AFAP1L2: variants seen among roughly 807,000 people sequenced by gnomAD.
AFAP1L2 encodes actin filament-associated protein 1-like 2.
In AFAP1L2, 46 loss-of-function variants were observed where a neutral mutation model predicts 99.3. That is an observed-to-expected ratio of 0.46 (90% CI 0.37 to 0.59). The LOEUF is 0.59. Among genes scored for constraint, AFAP1L2 ranks in the 20% least tolerant of loss-of-function variants. AFAP1L2 has a pLI of 0.00. For synonymous variants in AFAP1L2, 397 were observed against 419.1 expected, an observed-to-expected ratio of 0.95 and a Z score of 0.64; for missense variants, 959 against 1,034.9, an observed-to-expected ratio of 0.93 and a Z score of 1.01.
At chr10:114,306,315 C>CCAGGAGGGGCCGCGGGGG (rs2042385691) in intron 10 of AFAP1L2, among the ~76,000 whole-genome samples, 1 of 8,366 alleles carries the variant, frequency 1.2e-4, no homozygotes. Context: ...GGACGCAGAT[C>CCAGGAGGGGCCGCGGGGG]CAGGAGGGGA....
Position 114,295,304 on chromosome 10 carries a change from A to G in AFAP1L2, c.*738T>C. On this transcript the variant is annotated 3_prime_UTR_variant, in exon 19 of 19. Transcript: ENST00000304129. ...GATACTTTTCACTGTTCTAAATGACAGGATTTTAAGCATTTTTTCCTATAT... is the reference window on the plus strand; with the variant it reads ...GATACTTTTCACTGTTCTAAATGACGGGATTTTAAGCATTTTTTCCTATAT... 2 of 985,142 alleles carry G rather than the reference A, an allele frequency of 2.0e-6. No homozygotes were observed. The highest frequency in any genetic ancestry group is 2.4e-6 in the Non-Finnish European group (2 of 829,228). 61.0% of individuals were successfully genotyped at this position (985,142 alleles called of 1,614,324 possible).
intron 1 of AFAP1L2, among the ~76,000 whole-genome samples, chr10:114,395,625 C>T (rs1424463856): frequency 6.6e-6 from 1 of 151,944 alleles, no homozygotes. Context: ...GAGAAAAAAA[C>T]GGGGGGTGGA....
intron 1 of AFAP1L2, among the ~76,000 whole-genome samples, chr10:114,359,442 A>C (rs2051894238): frequency 1.3e-5 from 2 of 152,326 alleles, no homozygotes; most frequent in South Asian, 4.1e-4. Context: ...GAAATGAAAG[A>C]TGGTGCGAAG....
intron 1 of AFAP1L2, among the ~76,000 whole-genome samples, chr10:114,358,012 C>T (rs2051649707): frequency 6.6e-6 from 1 of 152,194 alleles, no homozygotes; most frequent in African/African-American, 2.4e-5. Flanking sequence ...AGTTCAGCCT[C>T]CCCAGAACAA....
chr10:114,318,738 C>CAAAAAAAAA (rs1248430373), intron 5 of AFAP1L2, among the ~76,000 whole-genome samples: 1 of 16,496 alleles, frequency 6.1e-5, no homozygotes. Context: ...GAGACTCTGT[C>CAAAAAAAAA]TAAAAAAAAG....
In AFAP1L2 at chr10:114,374,140, G is replaced by A. The variant is rs12250442; in HGVS notation, c.16+30300C>T. Among the ~76,000 whole-genome samples, 1,112 of 152,178 alleles carry A rather than the reference G, an allele frequency of 7.3e-3. 13 individuals carry two copies. The highest frequency in any genetic ancestry group is 0.024 in the African/African-American group (995 of 41,512). Reference sequence around the variant, plus strand: ...CTCCTCTGTTGCTTCAGCATTCCGGGCTTGGGAGGATGTTTTGTCGGTTAT... The same window carrying A: ...CTCCTCTGTTGCTTCAGCATTCCGGACTTGGGAGGATGTTTTGTCGGTTAT... On this transcript the variant is annotated intron_variant, in intron 1 of 18. Coordinates refer to ENST00000304129, the MANE Select transcript of AFAP1L2 (RefSeq NM_001001936.3).
intron 1 of AFAP1L2, among the ~76,000 whole-genome samples, chr10:114,360,891 C>A (rs1402672065): frequency 6.6e-6 from 1 of 152,162 alleles, no homozygotes; most frequent in Non-Finnish European, 1.5e-5. Flanking sequence ...AAAATTCCTG[C>A]ATCATTACAA....
At chr10:114,383,981 C>T (rs2056104766) in intron 1 of AFAP1L2, among the ~76,000 whole-genome samples, 1 of 152,214 alleles carries the variant, frequency 6.6e-6, no homozygotes, top group Admixed American at 6.5e-5. Flanking sequence ...CAGGCCCCGC[C>T]TTCCGGTCCT....
intron 1 of AFAP1L2, among the ~76,000 whole-genome samples, chr10:114,383,848 T>C (rs886994869): frequency 6.6e-6 from 1 of 152,142 alleles, no homozygotes; most frequent in African/African-American, 2.4e-5. Context: ...GAAGTGGGGA[T>C]TGCCAACACG....
rs371204948 is a variant in AFAP1L2, at chr10:114,296,958, G to A, written c.2430+20C>T. ...TGACATTTCTGCTGGCCCCAAGGGA[G>A]GCTGGGAGTGACTGCTTACCTTGGC... On this transcript the variant is annotated intron_variant, in intron 18 of 18. Transcript: ENST00000304129. The A allele has an allele frequency of 2.5e-6, 4 of 1,614,080 alleles. No homozygotes were observed. Among genetic ancestry groups the A allele is most frequent in the Non-Finnish European group, 3.4e-6 (4 of 1,179,996 alleles).
chr10:114,286,038 T>G, the AFAP1L2 span: 2 of 1,614,184 alleles, frequency 1.2e-6, no homozygotes, highest in Admixed American at 1.7e-5. Context: ...AAAGTCTTCG[T>G]GAAGCGGTTT....
intron 4 of AFAP1L2, chr10:114,325,892 G>A (rs2046196862): frequency 2.3e-6 from 3 of 1,288,384 alleles, no homozygotes; most frequent in Non-Finnish European, 3.0e-6. Context: ...CTCTGTGGCA[G>A]TAAGGTCTCC....
Position 114,296,073 on chromosome 10 carries a change from G to C in AFAP1L2, c.2431-5C>G, listed in dbSNP as rs1302394066. 1 of 1,613,792 alleles carries C rather than the reference G, an allele frequency of 6.2e-7. No homozygotes were observed. Among genetic ancestry groups the C allele is most frequent in the Non-Finnish European group, 8.5e-7 (1 of 1,179,956 alleles). On this transcript the variant is annotated splice_region_variant and splice_polypyrimidine_tract_variant and intron_variant, in intron 18 of 18. Coordinates refer to ENST00000304129, the MANE Select transcript of AFAP1L2 (RefSeq NM_001001936.3). Reference sequence around the variant, plus strand: ...TGCTCCTTTCTTCTCCCATTCCTAGGGTACCATTCAAATACCAGCACCCAC... The same window carrying C: ...TGCTCCTTTCTTCTCCCATTCCTAGCGTACCATTCAAATACCAGCACCCAC...
At chr10:114,369,297 A>T (rs1355115542) in intron 1 of AFAP1L2, among the ~76,000 whole-genome samples, 3 of 152,112 alleles carry the variant, frequency 2.0e-5, no homozygotes, top group African/African-American at 4.8e-5. Flanking sequence ...GTCTCTATTT[A>T]AAAAAACAAA....
Position 114,310,413 on chromosome 10 carries a change from C to G in AFAP1L2, c.823G>C (p.Glu275Gln). The part of the protein sequence containing the change: ...VIQEVSGLPS[E>Q]GASEGNQYTP... ...TACTGGTTTCCTTCAGATGCTCCTTCGGAAGGCAGGCCGCTCACTTCCTGG... is the reference window on the plus strand; with the variant it reads ...TACTGGTTTCCTTCAGATGCTCCTTGGGAAGGCAGGCCGCTCACTTCCTGG... Residue 275 changes from glutamate (E) to glutamine (Q), a missense_variant, in exon 8 of 19, where the codon GAA becomes CAA. Transcript: ENST00000304129. The G allele has an allele frequency of 1.2e-6, 2 of 1,613,976 alleles. No homozygotes were observed. The highest frequency in any genetic ancestry group is 1.7e-6 in the Non-Finnish European group (2 of 1,179,962).
chr10:114,370,591 C>T (rs1460505913), intron 1 of AFAP1L2, among the ~76,000 whole-genome samples: 1 of 152,218 alleles, frequency 6.6e-6, no homozygotes, highest in African/African-American at 2.4e-5. Flanking sequence ...CTTGCACTTA[C>T]CTTAAGCCAG....
intron 1 of AFAP1L2, among the ~76,000 whole-genome samples, chr10:114,383,845 G>C (rs929302182): frequency 1.3e-5 from 2 of 152,142 alleles, no homozygotes; most frequent in Non-Finnish European, 2.9e-5. Context: ...GTGGAAGTGG[G>C]GATTGCCAAC....
intron 5 of AFAP1L2, among the ~76,000 whole-genome samples, chr10:114,318,048 T>A (rs1382926592): frequency 6.6e-6 from 1 of 152,128 alleles, no homozygotes; most frequent in African/African-American, 2.4e-5. Flanking sequence ...TAAGGTATGA[T>A]AAGGGAGAAA....
chr10:114,340,812 G>T, intron 1 of AFAP1L2, 81 bp from the exon 2 acceptor site: 2 of 1,590,446 alleles, frequency 1.3e-6, no homozygotes, highest in Non-Finnish European at 1.7e-6. Context: ...GGACCCTGCA[G>T]CCTCCCACCT....
Sources: gnomAD v4.1 joint callset for allele counts (sites outside exome capture counted in the v4.1 genomes callset) on GRCh38, gnomAD v4.1.1 for gene constraint, MANE v1.5 for transcripts, NCBI Gene and HGNC (gene_info 2026-07-23, HGNC 2026-07-21) for gene names.